IQCM: variants seen among roughly 807,000 people sequenced by gnomAD.
IQCM encodes IQ domain-containing protein M.
IQCM carries 45 observed loss-of-function variants against 57.6 expected under a neutral mutation model. The ratio of observed to expected loss-of-function variants is 0.78; its 90% CI spans 0.62 to 1.00. The LOEUF (loss-of-function observed/expected upper bound fraction) is 1.00. IQCM is among the 50% of genes least tolerant of loss of function. IQCM has a pLI of 0.00. For synonymous variants in IQCM, 148 were observed against 158.9 expected, an observed-to-expected ratio of 0.93 and a Z score of 0.51; for missense variants, 468 against 511.6, an observed-to-expected ratio of 0.91 and a Z score of 0.82.
intron 8 of IQCM, among the ~76,000 whole-genome samples, chr4:149,612,715 G>T (rs571143740): frequency 6.7e-6 from 1 of 148,330 alleles, no homozygotes; most frequent in East Asian, 2.0e-4. Context: ...AATTAATATA[G>T]TTTTTTCAAA....
chr4:149,678,862 CTATCAAA>C (rs949452120), intron 7 of IQCM, among the ~76,000 whole-genome samples: 1 of 151,400 alleles, frequency 6.6e-6, no homozygotes, highest in Non-Finnish European at 1.5e-5. Flanking sequence ...AAAATGGCTT[CTATCAAA>C]AAGACAGGCA....
intron 7 of IQCM, among the ~76,000 whole-genome samples, chr4:149,629,464 T>C (rs1040134844): frequency 6.6e-6 from 1 of 152,088 alleles, no homozygotes; most frequent in Non-Finnish European, 1.5e-5. Flanking sequence ...TTTTAGCAAT[T>C]CAAACTAAAT....
At chr4:149,566,847 A>G (rs1750682390) in intron 9 of IQCM, among the ~76,000 whole-genome samples, 1 of 152,200 alleles carries the variant, frequency 6.6e-6, no homozygotes, top group South Asian at 2.1e-4. Flanking sequence ...CTTGATGGAA[A>G]ACAAATTGTA....
chr4:149,767,270 C>T (rs1770150130), intron 2 of IQCM, among the ~76,000 whole-genome samples: 1 of 151,838 alleles, frequency 6.6e-6, no homozygotes, highest in East Asian at 1.9e-4. Flanking sequence ...CATGAAGACA[C>T]GTGACGCTCA....
intron 5 of IQCM, among the ~76,000 whole-genome samples, chr4:149,709,731 C>A (rs1048393318): frequency 6.6e-6 from 1 of 152,042 alleles, no homozygotes; most frequent in African/African-American, 2.4e-5. Flanking sequence ...ATTAGATTCC[C>A]ATTATCATCC....
At chr4:149,575,353 T>C (rs1751534190) in intron 9 of IQCM, among the ~76,000 whole-genome samples, 1 of 151,894 alleles carries the variant, frequency 6.6e-6, no homozygotes. Context: ...CTCATTATTA[T>C]TTTACTATTC....
chr4:149,389,256 T>C (rs1731668252), intron 13 of IQCM, among the ~76,000 whole-genome samples: 1 of 152,034 alleles, frequency 6.6e-6, no homozygotes, highest in Admixed American at 6.6e-5. Flanking sequence ...ATTCTTCTCC[T>C]ACCAATTTTT....
At chr4:149,560,394 A>G (rs2149928764) in intron 10 of IQCM, among the ~76,000 whole-genome samples, 1 of 152,190 alleles carries the variant, frequency 6.6e-6, no homozygotes, top group East Asian at 1.9e-4. Flanking sequence ...TGGAATTTCA[A>G]CATTTTTAGC....
chr4:149,585,381 C>T (rs756084174), intron 9 of IQCM, among the ~76,000 whole-genome samples: 9 of 151,426 alleles, frequency 5.9e-5, no homozygotes, highest in South Asian at 2.1e-4. Context: ...TCTAAAGTTT[C>T]GTGGAATTTT....
chr4:149,767,082 G>A (rs1372821657), intron 2 of IQCM, among the ~76,000 whole-genome samples: 1 of 151,846 alleles, frequency 6.6e-6, no homozygotes, highest in East Asian at 1.9e-4. Flanking sequence ...AAATTGTGAT[G>A]CAATTTCATC....
chr4:149,429,436 T>C lies in IQCM; in HGVS notation c.1390+3960A>G, dbSNP rs146235109. On this transcript the variant is annotated intron_variant, in intron 13 of 13. Coordinates refer to ENST00000636793, the MANE Select transcript of IQCM (RefSeq NM_001363507.2). ...ATTAGCAAGTTGAAATTATGACTTA[T>C]GCAGCATTCCAGTTACAATCAAGCC... Among the ~76,000 whole-genome samples, 156 of 152,046 alleles carry C rather than the reference T, an allele frequency of 1.0e-3. 3 individuals carry two copies. In the East Asian group the frequency reaches 0.019, roughly 19 times the overall value.
chr4:149,535,520 C>A (rs986500153), intron 12 of IQCM, among the ~76,000 whole-genome samples: 14 of 151,942 alleles, frequency 9.2e-5, no homozygotes, highest in Admixed American at 5.3e-4. Flanking sequence ...AACCAAAAGT[C>A]CTGCTCTCTA....
At chr4:149,603,989 A>G (rs2654828) in intron 8 of IQCM, among the ~76,000 whole-genome samples, 32,224 of 151,904 alleles carry the variant, frequency 0.21, 4,264 homozygotes, top group Non-Finnish European at 0.28. Context: ...TATTAGTACT[A>G]CTGCTGCAAG....
chr4:149,675,756 A>G (rs535120888), intron 7 of IQCM, among the ~76,000 whole-genome samples: 54 of 151,976 alleles, frequency 3.6e-4, no homozygotes, highest in Non-Finnish European at 6.0e-4. Context: ...GAGAGAAATA[A>G]AGAATCTTGC....
intron 7 of IQCM, among the ~76,000 whole-genome samples, chr4:149,670,866 G>C (rs567282482): frequency 6.6e-6 from 1 of 152,050 alleles, no homozygotes; most frequent in Admixed American, 6.5e-5. Flanking sequence ...ATGTGCTGCT[G>C]GATTCGGTTT....
chr4:149,465,843 T>C (rs1395194354), intron 12 of IQCM, among the ~76,000 whole-genome samples: 1 of 152,034 alleles, frequency 6.6e-6, no homozygotes, highest in East Asian at 1.9e-4. Flanking sequence ...GAATGATTCC[T>C]AATGGCATGG....
chr4:149,433,655 T>C (rs949635805), intron 12 of IQCM, 98 bp from the exon 13 acceptor site: 33 of 438,392 alleles, frequency 7.5e-5, no homozygotes, highest in Admixed American at 7.1e-4. Context: ...AACATTTGGA[T>C]ACAACAGGTC....
chr4:149,545,356 A>G (rs1748283902), intron 12 of IQCM, among the ~76,000 whole-genome samples: 1 of 152,152 alleles, frequency 6.6e-6, no homozygotes, highest in South Asian at 2.1e-4. Flanking sequence ...ATACAACTTA[A>G]TAGCAAAAAT....
At chr4:149,416,825 A>G (rs374032329) in intron 13 of IQCM, among the ~76,000 whole-genome samples, 247 of 152,284 alleles carry the variant, frequency 1.6e-3, no homozygotes, top group African/African-American at 5.8e-3. Flanking sequence ...TAAATAGTCC[A>G]AACTAGAGTT....
Sources: allele counts gnomAD v4.1 joint callset (sites outside exome capture counted in the v4.1 genomes callset), GRCh38; gene constraint gnomAD v4.1.1; transcripts MANE v1.5; gene names NCBI Gene and HGNC (gene_info 2026-07-23, HGNC 2026-07-21).